POLE2: variants seen among roughly 807,000 people sequenced by gnomAD.
The protein encoded by POLE2 is DNA polymerase epsilon 2, accessory subunit, also known as DNA polymerase epsilon subunit 2.
A neutral mutation model predicts 79.4 loss-of-function variants in POLE2; 56 were observed. The observed-to-expected ratio is 0.71, with a 90% CI of 0.57 to 0.88. POLE2 has a LOEUF of 0.88. POLE2 is among the 40% of genes least tolerant of loss of function. The pLI is 0.00. For synonymous variants in POLE2, 212 were observed against 214.0 expected, an observed-to-expected ratio of 0.99 and a Z score of 0.08; for missense variants, 598 against 638.9, an observed-to-expected ratio of 0.94 and a Z score of 0.69.
chr14:49,669,103 C>A (rs937225405), intron 6 of POLE2, among the ~76,000 whole-genome samples: 1 of 152,186 alleles, frequency 6.6e-6, no homozygotes, highest in Non-Finnish European at 1.5e-5. Context: ...ATAACACATT[C>A]TAGTTCAATA....
At chr14:49,676,312 T>C (rs1293159948) in intron 3 of POLE2, among the ~76,000 whole-genome samples, 1 of 152,162 alleles carries the variant, frequency 6.6e-6, no homozygotes, top group Non-Finnish European at 1.5e-5. Context: ...ATCTCCCAAA[T>C]TGAAAATGAT....
In POLE2 at chr14:49,683,771, A is replaced by G. The variant is rs1038717081; in HGVS notation, c.69-78T>C. ...AGTTTTCTGCCAAAAAGCAGCAAAT[A>G]CTCATCAATCTGGCACTGAAAGGAA... is the stretch of plus-strand genomic sequence containing the variant. On this transcript the variant is annotated intron_variant, in intron 1 of 18. Coordinates refer to ENST00000216367, the MANE Select transcript of POLE2 (RefSeq NM_002692.4). 2.3e-5 allele frequency: 16 copies of G among 686,580 alleles called. No individual in the cohort carries two copies. The Admixed American group carries it at 2.7e-4, about 12-fold the overall frequency. The allele number at this position is 686,580 out of a possible 1,614,324, so 42.5% of individuals were successfully genotyped here. A position where few individuals can be genotyped will look rare whatever the true frequency, so the allele number is the denominator to read the frequency against.
At chr14:49,663,672 TAA>T (rs1330906177) in intron 9 of POLE2, among the ~76,000 whole-genome samples, 3 of 152,154 alleles carry the variant, frequency 2.0e-5, no homozygotes, top group Non-Finnish European at 4.4e-5. Context: ...TATATAAAAT[TAA>T]GTGTTTTTTT....
chr14:49,675,882 T>C lies in POLE2; in HGVS notation c.246-1455A>G, dbSNP rs569556325. ...GATTCTCCTGCCTCAGCCTCCCAAG[T>C]AGCTGGGATTACAGGCACCCTCCAC... On this transcript the variant is annotated intron_variant, in intron 3 of 18. Coordinates refer to ENST00000216367, the MANE Select transcript of POLE2 (RefSeq NM_002692.4). 4.6e-5 allele frequency among the ~76,000 whole-genome samples: 7 copies of C among 152,298 alleles called. No homozygotes were observed. In the East Asian group the frequency reaches 1.2e-3, roughly 25 times the overall value.
chr14:49,670,470 G>T (rs1323384717), intron 5 of POLE2, among the ~76,000 whole-genome samples: 1 of 152,074 alleles, frequency 6.6e-6, no homozygotes, highest in East Asian at 1.9e-4. Context: ...TAAGATCCAT[G>T]TGGAGATACT....
At chr14:49,654,731 G>C in intron 13 of POLE2, 53 bp downstream of exon 13, 1 of 1,286,886 alleles carries the variant, frequency 7.8e-7, no homozygotes. Context: ...TTCATTTTTT[G>C]TTTTTTTTTT....
At chr14:49,662,095 GC>G (rs997776240) in intron 10 of POLE2, among the ~76,000 whole-genome samples, 18 of 152,248 alleles carry the variant, frequency 1.2e-4, no homozygotes, top group African/African-American at 4.3e-4. Flanking sequence ...TTGGAAAAAA[GC>G]CACAAACTGC....
chr14:49,664,858 G>A (rs951059322), intron 8 of POLE2, among the ~76,000 whole-genome samples, 184 bp from the exon 9 acceptor site: 1 of 152,060 alleles, frequency 6.6e-6, no homozygotes, highest in African/African-American at 2.4e-5. Flanking sequence ...TTTAATTCTT[G>A]GTAATATTGA....
At chr14:49,667,892 T>C (rs1160169336) in intron 6 of POLE2, among the ~76,000 whole-genome samples, 1 of 152,124 alleles carries the variant, frequency 6.6e-6, no homozygotes. Flanking sequence ...ATTTAAAATA[T>C]AGACAAGAAA....
intron 1 of POLE2, among the ~76,000 whole-genome samples, chr14:49,684,237 C>G (rs898576112): frequency 6.6e-6 from 1 of 151,918 alleles, no homozygotes; most frequent in Non-Finnish European, 1.5e-5. Flanking sequence ...CCGAGGCGGG[C>G]GGATCATGAG....
intron 10 of POLE2, among the ~76,000 whole-genome samples, chr14:49,658,328 G>A (rs1308782422): frequency 1.3e-5 from 2 of 152,028 alleles, no homozygotes; most frequent in Admixed American, 1.3e-4. Context: ...CGCCCGCCTA[G>A]GCTTCCCAAA....
At chr14:49,680,210 G>C (rs979426462) in intron 2 of POLE2, among the ~76,000 whole-genome samples, 48 of 152,160 alleles carry the variant, frequency 3.2e-4, no homozygotes, top group African/African-American at 9.9e-4. Flanking sequence ...CTTAGCTGGG[G>C]GTGGTGGCAC....
chr14:49,653,938 G>T lies in POLE2; in HGVS notation c.1211+52C>A, dbSNP rs1884463816. ...TTACAGACATGAGCCACCACACCTG[G>T]CTAATTTTTAAATGAAAGGAAAAAT... On this transcript the variant is annotated intron_variant, in intron 15 of 18. Transcript: ENST00000216367. 1.1e-5 allele frequency: 12 copies of T among 1,101,714 alleles called. No individual in the cohort carries two copies. The South Asian group carries it at 1.4e-4, about 13-fold the overall frequency. 68.2% of individuals were successfully genotyped at this position (1,101,714 alleles called of 1,614,324 possible).
intron 8 of POLE2, 90 bp downstream of exon 8, chr14:49,665,017 C>T (rs569406767): frequency 1.4e-6 from 1 of 702,920 alleles, no homozygotes; most frequent in South Asian, 1.6e-5. Context: ...ACATTGAGAA[C>T]CCAAATAGGT....
intron 1 of POLE2, among the ~76,000 whole-genome samples, chr14:49,684,891 G>C (rs775346307): frequency 6.6e-6 from 1 of 151,926 alleles, no homozygotes; most frequent in Non-Finnish European, 1.5e-5. Flanking sequence ...GAGGGAGAAC[G>C]GAGTGAACCT....
At chr14:49,684,301 A>G (rs1407399946) in intron 1 of POLE2, among the ~76,000 whole-genome samples, 1 of 152,004 alleles carries the variant, frequency 6.6e-6, no homozygotes, top group Admixed American at 6.6e-5. Flanking sequence ...CGTCTCTACT[A>G]AAAACACAAA....
chr14:49,683,722 G>T, intron 1 of POLE2, 29 bp from the exon 2 acceptor site: 1 of 1,143,024 alleles, frequency 8.7e-7, no homozygotes. Context: ...AAATGAGGCA[G>T]GTCATTAGTA....
At chr14:49,657,007 G>A (rs553632986) in intron 10 of POLE2, among the ~76,000 whole-genome samples, 90 of 152,008 alleles carry the variant, frequency 5.9e-4, no homozygotes, top group African/African-American at 2.0e-3. Flanking sequence ...CAGCTACTCG[G>A]GAGGCTGAGG....
intron 1 of POLE2, among the ~76,000 whole-genome samples, chr14:49,684,181 G>A (rs1886940262): frequency 6.6e-6 from 1 of 152,148 alleles, no homozygotes; most frequent in South Asian, 2.1e-4. Context: ...AAATAGGCTT[G>A]GCTGTGCGCG....
Sources: gnomAD v4.1 joint callset for allele counts (sites outside exome capture counted in the v4.1 genomes callset) on GRCh38, gnomAD v4.1.1 for gene constraint, MANE v1.5 for transcripts, NCBI Gene and HGNC (gene_info 2026-07-23, HGNC 2026-07-21) for gene names.